The following DMD variants were observed in gnomAD, a reference collection of about 807,000 sequenced individuals.
The protein encoded by DMD is dystrophin.
A neutral mutation model predicts 330.1 loss-of-function variants in DMD; 63 were observed. That is an observed-to-expected ratio of 0.19 (90% CI 0.16 to 0.24). The LOEUF (loss-of-function observed/expected upper bound fraction) is 0.24, where lower values mean the gene tolerates loss of function less well. Among genes scored for constraint, DMD ranks in the 10% least tolerant of loss-of-function variants. The pLI, the probability that DMD is intolerant of heterozygous loss-of-function variation, is 1.00. For synonymous variants in DMD, 1,223 were observed against 959.8 expected, an observed-to-expected ratio of 1.27 and a Z score of -5.07; for missense variants, 3,344 against 2,684.1, an observed-to-expected ratio of 1.25 and a Z score of -5.43.
intron 44 of DMD, among the ~76,000 whole-genome samples, chrX:32,187,323 A>G (rs1336637510): frequency 9.0e-6 from 1 of 111,413 alleles, no homozygotes; most frequent in Non-Finnish European, 1.9e-5. Flanking sequence ...ATGAAGGGAC[A>G]AGAGTAGGAA....
At chrX:33,267,177 T>G (rs2148909342) in intron 1 of DMD, among the ~76,000 whole-genome samples, 1 of 111,474 alleles carries the variant, frequency 9.0e-6, no homozygotes, top group African/African-American at 3.3e-5. Flanking sequence ...AATATATTTT[T>G]ATAGTAAAAC....
intron 1 of DMD, among the ~76,000 whole-genome samples, chrX:33,196,350 C>A (rs1323263697): frequency 9.0e-6 from 1 of 111,228 alleles, no homozygotes; most frequent in Non-Finnish European, 1.9e-5. Flanking sequence ...CTGTGAAAGA[C>A]CTTGTACGTT....
rs145014798 is a variant in DMD at position 32,109,921 on chromosome X, G to C, written c.6438+106995C>G. 5.4e-5 allele frequency among the ~76,000 whole-genome samples: 6 copies of C among 110,991 alleles called. No individual in the cohort carries two copies. The East Asian group carries it at 1.7e-3, about 31-fold the overall frequency. ...TGCGAGCCGACTAAGGCAACTTCTTGACAAACACACGTCAAATAACACCAA... is the reference window on the plus strand; with the variant it reads ...TGCGAGCCGACTAAGGCAACTTCTTCACAAACACACGTCAAATAACACCAA... On this transcript the variant is annotated intron_variant, in intron 44 of 78. Coordinates refer to ENST00000357033, the MANE Select transcript of DMD (RefSeq NM_004006.3).
intron 63 of DMD, among the ~76,000 whole-genome samples, chrX:31,250,406 C>A (rs1255244149): frequency 6.3e-5 from 7 of 111,676 alleles, no homozygotes; most frequent in Admixed American, 9.5e-5. Context: ...CCCTCCTCTG[C>A]CTGAACTTGA....
intron 76 of DMD, among the ~76,000 whole-genome samples, chrX:31,138,808 C>G (rs2035669174): frequency 9.0e-6 from 1 of 111,145 alleles, no homozygotes; most frequent in Non-Finnish European, 1.9e-5. Context: ...AGGTCCCTCC[C>G]CTGACACGTG....
At chrX:33,029,947 GT>G (rs2094077242) in intron 1 of DMD, among the ~76,000 whole-genome samples, 1 of 110,983 alleles carries the variant, frequency 9.0e-6, no homozygotes, top group Non-Finnish European at 1.9e-5. Flanking sequence ...GCAGGCCGGG[GT>G]TACATCATAC....
intron 48 of DMD, among the ~76,000 whole-genome samples, chrX:31,862,693 C>T (rs1354011483): frequency 1.8e-5 from 2 of 112,206 alleles, no homozygotes; most frequent in Non-Finnish European, 3.8e-5. Context: ...CTATCTTATT[C>T]TATTTTATTT....
At chrX:31,855,453 A>G (rs1234162542) in intron 48 of DMD, among the ~76,000 whole-genome samples, 2 of 112,496 alleles carry the variant, frequency 1.8e-5, no homozygotes, top group Non-Finnish European at 3.8e-5. Flanking sequence ...TCTTAACAGA[A>G]TATTTACTTA....
chrX:32,318,506 A>T (rs778315468), intron 41 of DMD, among the ~76,000 whole-genome samples: 11 of 111,314 alleles, frequency 9.9e-5, no homozygotes, highest in African/African-American at 3.6e-4. Context: ...TGAATAATCA[A>T]TCTAATGAGT....
At chrX:32,864,467 T>C (rs1335942083) in intron 2 of DMD, among the ~76,000 whole-genome samples, 1 of 112,474 alleles carries the variant, frequency 8.9e-6, no homozygotes, top group East Asian at 2.8e-4. Flanking sequence ...TCTACAAAGA[T>C]AGTTTAATAT....
intron 35 of DMD, 107 bp from the exon 36 acceptor site, chrX:32,364,817 G>C: frequency 1.1e-6 from 1 of 941,136 alleles, no homozygotes; most frequent in South Asian, 2.3e-5. Flanking sequence ...GTTTCATTGA[G>C]ATTAGTTTTA....
At chrX:31,451,468 G>C (rs78930393) in intron 59 of DMD, among the ~76,000 whole-genome samples, 1 of 109,044 alleles carries the variant, frequency 9.2e-6, no homozygotes. Context: ...TTTTAGAAGA[G>C]ATGGGGTTTC....
intron 2 of DMD, among the ~76,000 whole-genome samples, chrX:32,859,020 T>C (rs1173878744): frequency 9.0e-6 from 1 of 111,333 alleles, no homozygotes; most frequent in African/African-American, 3.3e-5. Flanking sequence ...AAATTATTAC[T>C]CCAGAGCACT....
chrX:32,744,321 A>C (rs1205202012), intron 7 of DMD, among the ~76,000 whole-genome samples: 7 of 110,463 alleles, frequency 6.3e-5, no homozygotes, highest in African/African-American at 2.0e-4. Context: ...TTTAGTACTT[A>C]ATTATTCCTC....
chrX:32,546,889 C>G (rs2049020203), intron 16 of DMD, among the ~76,000 whole-genome samples: 1 of 111,580 alleles, frequency 9.0e-6, no homozygotes, highest in Non-Finnish European at 1.9e-5. Context: ...GCACCCAACA[C>G]AAAATGACCA....
intron 30 of DMD, among the ~76,000 whole-genome samples, chrX:32,393,334 G>A (rs765456954): frequency 6.3e-5 from 7 of 111,233 alleles, no homozygotes; most frequent in Non-Finnish European, 9.4e-5. Context: ...GCACTGAAGA[G>A]CATAAGGAGT....
chrX:32,124,763 T>A (rs1463092152), intron 44 of DMD, among the ~76,000 whole-genome samples: 1 of 110,674 alleles, frequency 9.0e-6, no homozygotes, highest in East Asian at 2.9e-4. Context: ...TAGGACAGCA[T>A]GCAGCAAGAG....
At chrX:31,443,929 A>T (rs910676682) in intron 60 of DMD, among the ~76,000 whole-genome samples, 3 of 111,273 alleles carry the variant, frequency 2.7e-5, no homozygotes, top group Non-Finnish European at 5.7e-5. Context: ...TTGAAATCTG[A>T]TCCCCCGTGT....
chrX:32,561,919 G>A (rs1018196377), intron 16 of DMD, among the ~76,000 whole-genome samples: 2 of 111,587 alleles, frequency 1.8e-5, no homozygotes, highest in African/African-American at 6.5e-5. Context: ...TTCCAAGGCA[G>A]AATTTCATAT....
Sources: allele counts gnomAD v4.1 joint callset (sites outside exome capture counted in the v4.1 genomes callset), GRCh38; gene constraint gnomAD v4.1.1; transcripts MANE v1.5; gene names NCBI Gene and HGNC (gene_info 2026-07-23, HGNC 2026-07-21).